The following PTPRD variants were observed in gnomAD, a reference collection of about 807,000 sequenced individuals.
PTPRD encodes the protein protein tyrosine phosphatase receptor type D.
In PTPRD, 34 loss-of-function variants were observed where a neutral mutation model predicts 214.5. The observed-to-expected ratio is 0.16, with a 90% CI of 0.12 to 0.21. PTPRD has a LOEUF of 0.21. Among genes scored for constraint, PTPRD ranks in the 10% least tolerant of loss-of-function variants. The pLI is 1.00. For missense variants in PTPRD, 2,545 were observed against 2,398.7 expected (o/e 1.06, Z -1.27); for synonymous variants, 1,128 against 845.7 (o/e 1.33, Z -5.79).
intron 2 of PTPRD, among the ~76,000 whole-genome samples, chr9:10,564,594 G>C (rs2065071996): frequency 6.6e-6 from 1 of 152,024 alleles, no homozygotes; most frequent in Non-Finnish European, 1.5e-5. Context: ...CCTCAATGGA[G>C]GCAACATCCC....
chr9:9,573,540 G>A (rs2087277604), intron 8 of PTPRD, among the ~76,000 whole-genome samples: 3 of 151,338 alleles, frequency 2.0e-5, no homozygotes, highest in Admixed American at 2.0e-4. Context: ...TTAAAACACT[G>A]GAGATAATAG....
At chr9:10,277,163 T>A (rs144541837) in intron 3 of PTPRD, among the ~76,000 whole-genome samples, 1 of 105,430 alleles carries the variant, frequency 9.5e-6, no homozygotes, top group African/African-American at 3.6e-5. Flanking sequence ...ATAAACTTGA[T>A]CTTTTGGTTT....
chr9:8,491,419 AC>A (rs1193180743), intron 27 of PTPRD, among the ~76,000 whole-genome samples: 1 of 152,064 alleles, frequency 6.6e-6, no homozygotes, highest in African/African-American at 2.4e-5. Context: ...TCATAACATG[AC>A]CCCATTTAAT....
intron 4 of PTPRD, among the ~76,000 whole-genome samples, chr9:10,017,241 T>C (rs1470183651): frequency 6.6e-6 from 1 of 152,194 alleles, no homozygotes; most frequent in African/African-American, 2.4e-5. Flanking sequence ...TTCATAAAGG[T>C]ATAAGCTATT....
At chr9:9,582,903 C>G (rs1205576936) in intron 7 of PTPRD, among the ~76,000 whole-genome samples, 1 of 151,922 alleles carries the variant, frequency 6.6e-6, no homozygotes, top group African/African-American at 2.4e-5. Flanking sequence ...TGAATTAACA[C>G]CAAGAAAAAC....
At chr9:8,566,835 T>C (rs2089435882) in intron 14 of PTPRD, among the ~76,000 whole-genome samples, 1 of 152,172 alleles carries the variant, frequency 6.6e-6, no homozygotes, top group African/African-American at 2.4e-5. Flanking sequence ...ATATTGATGG[T>C]CAAATGTTGC....
In PTPRD at chr9:9,964,503, A is replaced by G. The variant is rs186554982; in HGVS notation, c.-471-25893T>C. ...ATAGGACAATAGTTTCCTTCGCAGG[A>G]AAAAAGCAGAAAATTTTACCTTAAT... is the stretch of plus-strand genomic sequence containing the variant. On this transcript the variant is annotated intron_variant, in intron 4 of 45. Coordinates refer to ENST00000381196, the MANE Select transcript of PTPRD (RefSeq NM_002839.4). Among the ~76,000 whole-genome samples, 387 of 152,322 alleles carry G rather than the reference A, an allele frequency of 2.5e-3. 1 individual carries two copies. The highest frequency in any genetic ancestry group is 8.8e-3 in the African/African-American group (365 of 41,578).
At chr9:8,537,281 CAT>C (rs1022745179) in intron 14 of PTPRD, among the ~76,000 whole-genome samples, 1 of 151,866 alleles carries the variant, frequency 6.6e-6, no homozygotes, top group African/African-American at 2.4e-5. Context: ...TTGAAAAAAT[CAT>C]ATAGTTTCTA....
At chr9:9,934,328 G>A (rs879326260) in intron 5 of PTPRD, among the ~76,000 whole-genome samples, 52 of 150,986 alleles carry the variant, frequency 3.4e-4, no homozygotes, top group Non-Finnish European at 6.5e-4. Flanking sequence ...TAGACTGCTA[G>A]CAAGACTAAT....
At chr9:10,060,894 T>A (rs1319487500) in intron 3 of PTPRD, among the ~76,000 whole-genome samples, 2 of 80,132 alleles carry the variant, frequency 2.5e-5, no homozygotes, top group Admixed American at 2.4e-4. Flanking sequence ...CCTTCCTTCC[T>A]TCCTTCTTTC....
chr9:10,053,112 T>C lies in PTPRD; in HGVS notation c.-544-19322A>G, dbSNP rs1251255017. On this transcript the variant is annotated intron_variant, in intron 3 of 45. Transcript: ENST00000381196. ...AAATGTTTTGCCCTTGAGATGCTGA[T>C]GTAAGCAAAATATAGAGATTAACTA... is the stretch of plus-strand genomic sequence containing the variant. 3.3e-5 allele frequency among the ~76,000 whole-genome samples: 5 copies of C among 152,318 alleles called. No homozygotes were observed. In the East Asian group the frequency reaches 9.6e-4, roughly 29 times the overall value.
intron 32 of PTPRD, among the ~76,000 whole-genome samples, chr9:8,461,710 C>G (rs2096409526): frequency 6.6e-6 from 1 of 151,622 alleles, no homozygotes; most frequent in Non-Finnish European, 1.5e-5. Flanking sequence ...ATCTCTGGCT[C>G]TCTCAATTTT....
chr9:9,840,706 T>G (rs1004231174), intron 5 of PTPRD, among the ~76,000 whole-genome samples: 9 of 128,500 alleles, frequency 7.0e-5, no homozygotes, highest in African/African-American at 2.7e-4. Context: ...GAGCTTGCAT[T>G]GAGCCAAGAT....
At chr9:10,374,116 G>T (rs138218113) in intron 2 of PTPRD, among the ~76,000 whole-genome samples, 11 of 152,030 alleles carry the variant, frequency 7.2e-5, no homozygotes, top group African/African-American at 2.2e-4. Context: ...GGAATCCTTA[G>T]GAAAGCCCTT....
chr9:8,404,639 A>C lies in PTPRD; in HGVS notation c.4108T>G (p.Phe1370Val). 1 of 1,611,906 alleles carries C rather than the reference A, an allele frequency of 6.2e-7. No individual in the cohort carries two copies. The highest frequency in any genetic ancestry group is 1.1e-5 in the South Asian group (1 of 90,892). ...EYESIDPGQQ[F>V]TWEHSNLEVN... is the part of the protein sequence containing the mutation. ...TCCAAGTTTGAATGTTCCCAAGTGAACTGCTGGCCAGGGTCAATTGACTTT... is the reference window on the plus strand; with the variant it reads ...TCCAAGTTTGAATGTTCCCAAGTGACCTGCTGGCCAGGGTCAATTGACTTT... Residue 1370 changes from phenylalanine to valine, a missense_variant, in exon 36 of 46, where the codon TTC becomes GTC. By Grantham distance (50) the Phe-to-Val change is conservative (BLOSUM62 -1). Transcript: ENST00000381196.
intron 39 of PTPRD, among the ~76,000 whole-genome samples, chr9:8,354,999 G>C (rs2076606555): frequency 6.6e-6 from 1 of 152,152 alleles, no homozygotes; most frequent in Admixed American, 6.5e-5. Context: ...TGAACCTGGT[G>C]ATATAGTTTG....
chr9:8,463,342 A>G (rs985948388), intron 32 of PTPRD, among the ~76,000 whole-genome samples: 18 of 140,988 alleles, frequency 1.3e-4, no homozygotes, highest in African/African-American at 3.9e-4. Flanking sequence ...AAAGATGTGT[A>G]TGGTATGAGG....
At chr9:9,887,299 G>A (rs1262720598) in intron 5 of PTPRD, among the ~76,000 whole-genome samples, 1 of 152,030 alleles carries the variant, frequency 6.6e-6, no homozygotes, top group Admixed American at 6.6e-5. Context: ...ATTGGATATT[G>A]TTATTTCTAT....
intron 11 of PTPRD, among the ~76,000 whole-genome samples, chr9:8,886,522 G>T (rs545926925): frequency 6.6e-6 from 1 of 152,098 alleles, no homozygotes; most frequent in Non-Finnish European, 1.5e-5. Flanking sequence ...AGTTCTAGTT[G>T]GTTAAATGCA....
Sources: allele counts gnomAD v4.1 joint callset (sites outside exome capture counted in the v4.1 genomes callset), GRCh38; gene constraint gnomAD v4.1.1; transcripts MANE v1.5; gene names NCBI Gene and HGNC (gene_info 2026-07-23, HGNC 2026-07-21).